Variants in ZNF682 observed in about 807,000 individuals in gnomAD.
ZNF682 encodes the protein zinc finger protein 682.
A neutral mutation model predicts 36.5 loss-of-function variants in ZNF682; 29 were observed. That is an observed-to-expected ratio of 0.80 (90% CI 0.59 to 1.08). The LOEUF (loss-of-function observed/expected upper bound fraction) is 1.08. Ranked by LOEUF, ZNF682 falls within the 50% of genes least tolerant of loss-of-function variation. The probability of loss-of-function intolerance (pLI) is 0.00; values close to 1 mark genes in which losing one functional copy is unlikely to be tolerated. For synonymous variants in ZNF682, 180 were observed against 197.0 expected, an observed-to-expected ratio of 0.91 and a Z score of 0.72; for missense variants, 561 against 579.7, an observed-to-expected ratio of 0.97 and a Z score of 0.33.
chr19:20,027,714 G>A (rs1398001062), intron 1 of ZNF682, among the ~76,000 whole-genome samples: 2 of 151,560 alleles, frequency 1.3e-5, no homozygotes, highest in Non-Finnish European at 2.9e-5. Flanking sequence ...AGCCGAGATC[G>A]CACCATTGCA....
At chr19:19,995,730 TG>T (rs2088125501), downstream of ZNF682, among the ~76,000 whole-genome samples, 1 of 151,088 alleles carries the variant, frequency 6.6e-6, no homozygotes, top group Non-Finnish European at 1.5e-5. Flanking sequence ...GCTCCAGAGT[TG>T]GCCACCCATC....
Position 20,006,628 on chromosome 19 carries a change from T to C in ZNF682, c.874A>G (p.Arg292Gly). Residue 292 changes from arginine (R) to glycine (G), a missense_variant, in exon 4 of 4, where the codon AGA becomes GGA. Physicochemically the swap from Arg to Gly is moderately radical, Grantham distance 125. Transcript: ENST00000397165. ...EKPYTCEDCG[R>G]AFNRHSHLTK... Reference sequence around the variant, plus strand: ...AGATGTGAGTGCCGGTTAAACGCTCTGCCACAGTCTTCACATGTATAGGGT... The same window carrying C: ...AGATGTGAGTGCCGGTTAAACGCTCCGCCACAGTCTTCACATGTATAGGGT... 6.2e-7 allele frequency: 1 copy of C among 1,614,214 alleles called. No homozygotes were observed. Among genetic ancestry groups the C allele is most frequent in the Non-Finnish European group, 8.5e-7 (1 of 1,180,032 alleles).
In ZNF682 at chr19:20,005,249, G is replaced by A. The variant is rs2088202834; in HGVS notation, c.*756C>T. The A allele has an allele frequency of 6.6e-6, 1 of 152,058 alleles. No individual in the cohort carries two copies. The highest frequency in any genetic ancestry group is 2.1e-4 in the South Asian group (1 of 4,820). The allele number at this position is 152,058 out of a possible 1,614,324, so 9.4% of individuals were successfully genotyped here. ...CGACAACATGCCCAGCTAATTTTTT[G>A]TATTTTTAGTAGAGACAGGGTTTCA... On this transcript the variant is annotated 3_prime_UTR_variant, in exon 4 of 4. Coordinates refer to ENST00000397165, the MANE Select transcript of ZNF682 (RefSeq NM_033196.3).
downstream of ZNF682, among the ~76,000 whole-genome samples, chr19:20,002,227 C>T (rs1568534612): frequency 1.3e-5 from 2 of 149,678 alleles, no homozygotes; most frequent in South Asian, 2.1e-4. Flanking sequence ...GGACTACAGG[C>T]GTGTGCCACC....
At chr19:20,030,399 A>G (rs961363180) in intron 1 of ZNF682, among the ~76,000 whole-genome samples, 3 of 152,072 alleles carry the variant, frequency 2.0e-5, no homozygotes, top group Non-Finnish European at 4.4e-5. Flanking sequence ...GTGAAATCCC[A>G]TATCTACTAA....
intron 3 of ZNF682, among the ~76,000 whole-genome samples, chr19:20,018,588 A>G (rs767942497): frequency 1.3e-5 from 2 of 152,230 alleles, no homozygotes; most frequent in Non-Finnish European, 2.9e-5. Context: ...ACATAATCAA[A>G]TAACCTTACA....
Position 20,026,316 on chromosome 19 carries a change from C to G in ZNF682, c.4-1940G>C, listed in dbSNP as rs114572492. ...AGGCTCCGTCTCAAAAAAAAAACAT[C>G]CTGTTTCTGCATAGAGCTGATGGAA... On this transcript the variant is annotated intron_variant, in intron 1 of 3. Transcript: ENST00000397165. Among the ~76,000 whole-genome samples, 784 of 150,792 alleles carry G rather than the reference C, an allele frequency of 5.2e-3. 5 individuals carry two copies. Among genetic ancestry groups the G allele is most frequent in the African/African-American group, 0.018 (752 of 41,350 alleles).
chr19:20,003,229 G>C (rs892897780), downstream of ZNF682, among the ~76,000 whole-genome samples: 10 of 118,088 alleles, frequency 8.5e-5, no homozygotes, highest in African/African-American at 2.8e-4. Context: ...AATTAAAAGA[G>C]CAACAAAGGA....
downstream of ZNF682, among the ~76,000 whole-genome samples, chr19:19,995,248 G>A (rs1463550727): frequency 6.6e-6 from 1 of 152,194 alleles, no homozygotes; most frequent in Non-Finnish European, 1.5e-5. Context: ...AAATTGCAAT[G>A]GGAAGAGGAG....
intron 3 of ZNF682, among the ~76,000 whole-genome samples, chr19:20,008,483 T>G (rs1446903321): frequency 6.6e-6 from 1 of 152,216 alleles, no homozygotes; most frequent in Non-Finnish European, 1.5e-5. Context: ...GGTGCAATAC[T>G]GGTTGCAAAC....
chr19:20,007,182 C>A lies in ZNF682; in HGVS notation c.320G>T (p.Gly107Val). ...KVILRRYGSCGLEDLHLRKDG... is the reference protein window; with the variant it reads ...KVILRRYGSCVLEDLHLRKDG... ...CTTCCTTAAGTGTAAATCCTCAAGT[C>A]CACAGCTTCCATATCTTCTCAGTAT... Residue 107 changes from glycine (G) to valine (V), a missense_variant, in exon 4 of 4, where the codon GGA becomes GTA. Coordinates refer to ENST00000397165, the MANE Select transcript of ZNF682 (RefSeq NM_033196.3). 1.2e-6 allele frequency: 2 copies of A among 1,613,718 alleles called. No homozygotes were observed. Among genetic ancestry groups the A allele is most frequent in the African/African-American group, 2.7e-5 (2 of 75,038 alleles).
intron 2 of ZNF682, 43 bp from the exon 3 acceptor site, chr19:20,023,142 T>G (rs572354779): frequency 1.3e-6 from 2 of 1,547,152 alleles, no homozygotes; most frequent in Admixed American, 1.7e-5. Flanking sequence ...GCTGGGATTC[T>G]CCAATTACCA....
chr19:20,011,338 C>T (rs1361058505), intron 3 of ZNF682, among the ~76,000 whole-genome samples: 1 of 152,082 alleles, frequency 6.6e-6, no homozygotes, highest in Non-Finnish European at 1.5e-5. Context: ...TATTACTGGA[C>T]CTAAAAAAAA....
intron 1 of ZNF682, chr19:20,039,134 G>C: frequency 1.4e-6 from 2 of 1,400,094 alleles, no homozygotes; most frequent in Admixed American, 5.8e-5. Context: ...CGGGAGAACG[G>C]AACGGGATGC....
chr19:19,996,600 G>A (rs147312113), downstream of ZNF682, among the ~76,000 whole-genome samples: 196 of 152,278 alleles, frequency 1.3e-3, no homozygotes, highest in African/African-American at 4.6e-3. Context: ...CAAACATCAT[G>A]TATTCTCATT....
chr19:20,000,234 G>A (rs796935500), downstream of ZNF682, among the ~76,000 whole-genome samples: 1 of 152,140 alleles, frequency 6.6e-6, no homozygotes, highest in Non-Finnish European at 1.5e-5. Flanking sequence ...ACAGAACTTA[G>A]GAAACCAGGA....
At chr19:20,019,419 T>G (rs907075536) in intron 3 of ZNF682, among the ~76,000 whole-genome samples, 27 of 152,210 alleles carry the variant, frequency 1.8e-4, no homozygotes, top group African/African-American at 6.5e-4. Flanking sequence ...TTCTTGGCAG[T>G]TATTTTTTGA....
chr19:20,001,244 C>T (rs113289356), downstream of ZNF682, among the ~76,000 whole-genome samples: 2 of 152,210 alleles, frequency 1.3e-5, no homozygotes, highest in Non-Finnish European at 2.9e-5. Flanking sequence ...CCACCCCAGG[C>T]ATCTCCTGTG....
At chr19:19,999,494 T>A (rs538339449), downstream of ZNF682, among the ~76,000 whole-genome samples, 1 of 152,224 alleles carries the variant, frequency 6.6e-6, no homozygotes, top group Non-Finnish European at 1.5e-5. Flanking sequence ...AGCTTGCTGA[T>A]GTCAGGACCC....
Sources: allele counts gnomAD v4.1 joint callset (sites outside exome capture counted in the v4.1 genomes callset), GRCh38; gene constraint gnomAD v4.1.1; transcripts MANE v1.5; gene names NCBI Gene and HGNC (gene_info 2026-07-23, HGNC 2026-07-21).